Variants in CSMD1 observed in about 807,000 individuals in gnomAD.
The protein encoded by CSMD1 is CUB and Sushi multiple domains 1.
A neutral mutation model predicts 417.5 loss-of-function variants in CSMD1; 213 were observed. The observed-to-expected ratio is 0.51, with a 90% confidence interval of 0.46 to 0.57. The LOEUF (loss-of-function observed/expected upper bound fraction) is 0.57. Ranked by LOEUF, CSMD1 falls within the 20% of genes least tolerant of loss-of-function variation. The probability of loss-of-function intolerance (pLI) is 0.00; values close to 1 mark genes in which losing one functional copy is unlikely to be tolerated. For synonymous variants in CSMD1, 2,862 were observed against 1,736.8 expected, an observed-to-expected ratio of 1.65 and a Z score of -16.11; for missense variants, 6,923 against 4,529.7, an observed-to-expected ratio of 1.53 and a Z score of -15.17.
At chr8:4,854,642 A>C (rs555322097) in intron 1 of CSMD1, among the ~76,000 whole-genome samples, 27 of 152,274 alleles carry the variant, frequency 1.8e-4, no homozygotes, top group South Asian at 2.1e-4. Context: ...GAGTCAAAGA[A>C]AGGGGTGACG....
At chr8:3,232,262 C>G (rs1160146901) in intron 26 of CSMD1, among the ~76,000 whole-genome samples, 1 of 152,144 alleles carries the variant, frequency 6.6e-6, no homozygotes, top group African/African-American at 2.4e-5. Flanking sequence ...TTCCTGAAAT[C>G]AAATGCTTAA....
At chr8:3,313,787 T>A (rs374837113) in intron 23 of CSMD1, among the ~76,000 whole-genome samples, 1 of 152,324 alleles carries the variant, frequency 6.6e-6, no homozygotes, top group South Asian at 2.1e-4. Flanking sequence ...CTCAAAGGAT[T>A]ATAAATCATG....
chr8:4,253,491 C>G (rs937812665), intron 3 of CSMD1, among the ~76,000 whole-genome samples: 1 of 151,986 alleles, frequency 6.6e-6, no homozygotes, highest in Non-Finnish European at 1.5e-5. Flanking sequence ...TACTATGCAC[C>G]AGACACTAGG....
At chr8:3,470,867 C>T (rs12681869) in intron 11 of CSMD1, among the ~76,000 whole-genome samples, 3,417 of 152,196 alleles carry the variant, frequency 0.022, 229 homozygotes, top group East Asian at 0.18. Context: ...TCCCTTTTAT[C>T]GCTGGGTAGT....
intron 5 of CSMD1, among the ~76,000 whole-genome samples, chr8:3,867,856 C>T (rs1585114394): frequency 6.6e-6 from 1 of 152,070 alleles, no homozygotes; most frequent in South Asian, 2.1e-4. Flanking sequence ...ATTGAAGAAG[C>T]ATGGACCACT....
chr8:3,615,960 G>A (rs998910888), intron 8 of CSMD1, among the ~76,000 whole-genome samples: 1 of 152,122 alleles, frequency 6.6e-6, no homozygotes, highest in Non-Finnish European at 1.5e-5. Flanking sequence ...TCATAATGTA[G>A]CAACAGAAAA....
intron 10 of CSMD1, among the ~76,000 whole-genome samples, chr8:3,528,815 G>A (rs907037096): frequency 6.6e-6 from 1 of 152,040 alleles, no homozygotes; most frequent in Non-Finnish European, 1.5e-5. Flanking sequence ...AATTATTACT[G>A]GAAATAGTTC....
rs534722602 is a variant in CSMD1, at chr8:3,711,894, A to G, written c.932-3403T>C. ...CGCAAATGTCACTCACCCTAAACAGATAAGACAAACAGAGATCTGTTTACT... is the reference window on the plus strand; with the variant it reads ...CGCAAATGTCACTCACCCTAAACAGGTAAGACAAACAGAGATCTGTTTACT... On this transcript the variant is annotated intron_variant, in intron 6 of 69. Coordinates refer to ENST00000635120, the MANE Select transcript of CSMD1 (RefSeq NM_033225.6). 7.2e-5 allele frequency among the ~76,000 whole-genome samples: 11 copies of G among 152,308 alleles called. No homozygotes were observed. The East Asian group carries it at 2.1e-3, about 29-fold the overall frequency.
intron 5 of CSMD1, among the ~76,000 whole-genome samples, chr8:3,920,741 A>G (rs1490449645): frequency 3.7e-5 from 1 of 27,376 alleles, no homozygotes; most frequent in African/African-American, 1.1e-4. Context: ...TGATCCTATA[A>G]ATATCATATT....
chr8:3,754,734 C>A (rs968743806), intron 5 of CSMD1, among the ~76,000 whole-genome samples: 1 of 152,150 alleles, frequency 6.6e-6, no homozygotes, highest in South Asian at 2.1e-4. Context: ...GGATTACAAG[C>A]GTGAGCCACG....
rs748294805 is a variant in CSMD1 at position 3,181,232 on chromosome 8, G to C, written c.5621-18C>G. 1.3e-6 allele frequency: 2 copies of C among 1,522,770 alleles called. No homozygotes were observed. The highest frequency in any genetic ancestry group is 1.4e-5 in the African/African-American group (1 of 73,220). The allele number at this position is 1,522,770 out of a possible 1,614,324, so 94.3% of individuals were successfully genotyped here. ...TGTGGTGCCTGTAAGAAACAATGCAGATAGAATTGTAACACTACAAATACA... is the reference window on the plus strand; with the variant it reads ...TGTGGTGCCTGTAAGAAACAATGCACATAGAATTGTAACACTACAAATACA... On this transcript the variant is annotated intron_variant, in intron 36 of 69. Coordinates refer to ENST00000635120, the MANE Select transcript of CSMD1 (RefSeq NM_033225.6).
intron 5 of CSMD1, among the ~76,000 whole-genome samples, chr8:3,971,339 T>C (rs1354005388): frequency 6.6e-6 from 1 of 152,186 alleles, no homozygotes; most frequent in East Asian, 1.9e-4. Flanking sequence ...CCGGTTCACA[T>C]GTGTTCTCTT....
At chr8:4,431,047 C>T (rs192395110) in intron 2 of CSMD1, among the ~76,000 whole-genome samples, 3 of 152,182 alleles carry the variant, frequency 2.0e-5, no homozygotes, top group African/African-American at 4.8e-5. Flanking sequence ...CAGAATAACT[C>T]GTGGAGTGTC....
chr8:3,173,373 T>C (rs1820702940), intron 37 of CSMD1, among the ~76,000 whole-genome samples: 1 of 152,192 alleles, frequency 6.6e-6, no homozygotes, highest in Non-Finnish European at 1.5e-5. Flanking sequence ...ATTTCCATGG[T>C]CCTTGGTGCA....
intron 2 of CSMD1, among the ~76,000 whole-genome samples, chr8:4,531,309 G>A (rs1219925833): frequency 6.6e-6 from 1 of 152,160 alleles, no homozygotes; most frequent in Admixed American, 6.5e-5. Flanking sequence ...ATGTGCCGTG[G>A]AATGTATTCA....
At chr8:3,166,675 A>T (rs573363856) in intron 37 of CSMD1, among the ~76,000 whole-genome samples, 1 of 152,336 alleles carries the variant, frequency 6.6e-6, no homozygotes, top group African/African-American at 2.4e-5. Flanking sequence ...CATATAAATA[A>T]TGGGCAAACC....
intron 1 of CSMD1, among the ~76,000 whole-genome samples, chr8:4,728,389 G>C (rs1009331459): frequency 1.3e-5 from 2 of 151,914 alleles, no homozygotes; most frequent in Non-Finnish European, 1.5e-5. Context: ...GACGTATTTA[G>C]GGGAGTTTAG....
intron 6 of CSMD1, among the ~76,000 whole-genome samples, chr8:3,717,417 C>T (rs117523062): frequency 0.048 from 6,603 of 138,950 alleles, 212 homozygotes; most frequent in South Asian, 0.087. Context: ...TTTTCTTTTC[C>T]ATGAAATGCT....
At chr8:3,799,021 G>T (rs943854662) in intron 5 of CSMD1, among the ~76,000 whole-genome samples, 15 of 151,792 alleles carry the variant, frequency 9.9e-5, no homozygotes, top group African/African-American at 3.4e-4. Context: ...TACTTTTTCA[G>T]ATCTGAAAAA....
Sources: allele counts gnomAD v4.1 joint callset (sites outside exome capture counted in the v4.1 genomes callset), GRCh38; gene constraint gnomAD v4.1.1; transcripts MANE v1.5; gene names NCBI Gene and HGNC (gene_info 2026-07-23, HGNC 2026-07-21).